ACSBG2: variants seen among roughly 807,000 people sequenced by gnomAD.
ACSBG2 encodes long-chain-fatty-acid--CoA ligase ACSBG2.
ACSBG2 carries 62 observed loss-of-function variants against 74.7 expected under a neutral mutation model. That is an observed-to-expected ratio of 0.83 (90% CI 0.68 to 1.03). The LOEUF is 1.03. Ranked by LOEUF, ACSBG2 falls within the 50% of genes least tolerant of loss-of-function variation. The probability of loss-of-function intolerance (pLI) is 0.00; values close to 1 mark genes in which losing one functional copy is unlikely to be tolerated. For synonymous variants in ACSBG2, 309 were observed against 294.1 expected (o/e 1.05, Z -0.52); for missense variants, 730 against 817.6 (o/e 0.89, Z 1.31).
At position 6,172,332 on chromosome 19, in the gene ACSBG2, T is replaced by C. The variant is rs139689464; in HGVS notation, c.739-4897T>C. On this transcript the variant is annotated intron_variant, in intron 7 of 14. Transcript: ENST00000588485. ...GGAGCTGTCACTTCTTGTTTTTGAA[T>C]CTTCTATTGTTTGGATGGGGCTTTT... Among the ~76,000 whole-genome samples the C allele has an allele frequency of 2.0e-5, 3 of 152,306 alleles. No individual in the cohort carries two copies. In the East Asian group the frequency reaches 5.8e-4, roughly 29 times the overall value.
At chr19:6,140,667 C>T (rs1172927629) in intron 1 of ACSBG2, among the ~76,000 whole-genome samples, 1 of 152,124 alleles carries the variant, frequency 6.6e-6, no homozygotes, top group Admixed American at 6.6e-5. Context: ...GCGACAAAAC[C>T]AAACCAAACC....
intron 10 of ACSBG2, among the ~76,000 whole-genome samples, chr19:6,184,859 A>ACAAAACAAAACAAACAAAC (rs1568254709): frequency 2.8e-5 from 4 of 143,910 alleles, no homozygotes; most frequent in Non-Finnish European, 6.0e-5. Flanking sequence ...AAAAAAAAAA[A>ACAAAACAAAACAAACAAAC]AAAAAAAAAA....
chr19:6,150,757 G>A (rs753033309), intron 3 of ACSBG2, among the ~76,000 whole-genome samples: 5 of 152,142 alleles, frequency 3.3e-5, no homozygotes, highest in Non-Finnish European at 7.4e-5. Context: ...AAGTTCTAGA[G>A]ATGAACAGTG....
chr19:6,163,797 A>AC (rs2089710544), intron 6 of ACSBG2, among the ~76,000 whole-genome samples: 1 of 149,070 alleles, frequency 6.7e-6, no homozygotes, highest in Non-Finnish European at 1.5e-5. Context: ...AAAAAAAAAA[A>AC]AAAACAGCCA....
intron 7 of ACSBG2, 81 bp from the exon 8 acceptor site, chr19:6,177,148 T>G (rs983531100): frequency 5.4e-6 from 8 of 1,475,086 alleles, no homozygotes; most frequent in Non-Finnish European, 7.3e-6. Context: ...GTGAGCCCTG[T>G]CTGAAAAATA....
chr19:6,170,410 T>A (rs529874071), intron 7 of ACSBG2, among the ~76,000 whole-genome samples: 1 of 152,202 alleles, frequency 6.6e-6, no homozygotes, highest in African/African-American at 2.4e-5. Context: ...TGAACCATCC[T>A]TGCATCCCAG....
chr19:6,172,717 T>C (rs1423052981), intron 7 of ACSBG2, among the ~76,000 whole-genome samples: 1 of 152,188 alleles, frequency 6.6e-6, no homozygotes, highest in East Asian at 1.9e-4. Context: ...ACCCTTCCAG[T>C]AGCAAGATTT....
chr19:6,186,674 T>A (rs2090417314), intron 11 of ACSBG2, among the ~76,000 whole-genome samples: 1 of 152,244 alleles, frequency 6.6e-6, no homozygotes, highest in African/African-American at 2.4e-5. Context: ...TAAGGAATTT[T>A]AAAATTCTTT....
chr19:6,156,169 C>G (rs1165957636), intron 4 of ACSBG2, among the ~76,000 whole-genome samples: 1 of 152,066 alleles, frequency 6.6e-6, no homozygotes, highest in Non-Finnish European at 1.5e-5. Flanking sequence ...CACTGCTGGG[C>G]CCCTGTTTTT....
chr19:6,143,699 T>C (rs2088928641), intron 2 of ACSBG2, among the ~76,000 whole-genome samples: 1 of 152,142 alleles, frequency 6.6e-6, no homozygotes, highest in South Asian at 2.1e-4. Context: ...GATAAGGTGC[T>C]CTTTGAGTTC....
chr19:6,155,544 C>A (rs961278660), intron 4 of ACSBG2, among the ~76,000 whole-genome samples: 1 of 152,128 alleles, frequency 6.6e-6, no homozygotes, highest in African/African-American at 2.4e-5. Flanking sequence ...AATCCCAGCA[C>A]TTTGGGAGGC....
intron 1 of ACSBG2, 107 bp from the exon 2 acceptor site, chr19:6,141,406 T>C: frequency 1.5e-6 from 1 of 652,168 alleles, no homozygotes; most frequent in Admixed American, 2.5e-5. Flanking sequence ...GCATGACCAA[T>C]GGATCCTAGG....
intron 8 of ACSBG2, among the ~76,000 whole-genome samples, chr19:6,178,806 G>T (rs78963167): frequency 0.084 from 12,760 of 152,220 alleles, 948 homozygotes; most frequent in African/African-American, 0.2. Context: ...GGAGCTCTCA[G>T]GTGAAAACCA....
At chr19:6,179,451 C>T (rs2090184087) in intron 8 of ACSBG2, among the ~76,000 whole-genome samples, 2 of 151,978 alleles carry the variant, frequency 1.3e-5, no homozygotes, top group Non-Finnish European at 2.9e-5. Context: ...AGGCATGTGC[C>T]ACCATGCCTG....
chr19:6,178,492 G>C (rs991109577), intron 8 of ACSBG2, among the ~76,000 whole-genome samples: 1 of 151,870 alleles, frequency 6.6e-6, no homozygotes, highest in Non-Finnish European at 1.5e-5. Context: ...AGCAATTCTC[G>C]TGCCTTAGCC....
chr19:6,166,503 A>G (rs907757087), intron 7 of ACSBG2, among the ~76,000 whole-genome samples: 3 of 152,066 alleles, frequency 2.0e-5, no homozygotes, highest in Non-Finnish European at 4.4e-5. Flanking sequence ...TATTAGAGAC[A>G]GGGTTTCACC....
In ACSBG2 at chr19:6,187,533, G is replaced by C. The variant is rs773875688; in HGVS notation, c.1681-66G>C. 183 of 1,606,532 alleles carry C rather than the reference G, an allele frequency of 1.1e-4. 1 individual carries two copies. Among genetic ancestry groups the C allele is most frequent in the Middle Eastern group, 1.7e-4 (1 of 6,044 alleles). ...CTGTGGGTTCAAGACCCACTTCTTGGTCTGTGGGCCTGGGGAGGGGTGCTG... is the reference window on the plus strand; with the variant it reads ...CTGTGGGTTCAAGACCCACTTCTTGCTCTGTGGGCCTGGGGAGGGGTGCTG... On this transcript the variant is annotated intron_variant, in intron 12 of 14. Coordinates refer to ENST00000588485, the MANE Select transcript of ACSBG2 (RefSeq NM_030924.5).
intron 7 of ACSBG2, chr19:6,176,289 G>T (rs939765081): frequency 1.0e-5 from 14 of 1,363,016 alleles, no homozygotes; most frequent in Non-Finnish European, 1.3e-5. Context: ...GAGAGCATCT[G>T]CTTGAGCAAA....
Position 6,141,625 on chromosome 19 carries a change from A to G in ACSBG2, c.67+15A>G, listed in dbSNP as rs756928749. 1.3e-6 allele frequency: 2 copies of G among 1,513,406 alleles called. No individual in the cohort carries two copies. Among genetic ancestry groups the G allele is most frequent in the Non-Finnish European group, 1.8e-6 (2 of 1,088,074 alleles). The allele number at this position is 1,513,406 out of a possible 1,614,324, so 93.7% of individuals were successfully genotyped here. On this transcript the variant is annotated intron_variant, in intron 2 of 14. Transcript: ENST00000588485. ...TAAAACAGAAGGTATATTGCACTAA[A>G]GAGTACGTGGGAGAGAGAGTGGCAC...
Sources: gnomAD v4.1 joint callset for allele counts (sites outside exome capture counted in the v4.1 genomes callset) on GRCh38, gnomAD v4.1.1 for gene constraint, MANE v1.5 for transcripts, NCBI Gene and HGNC (gene_info 2026-07-23, HGNC 2026-07-21) for gene names.